The following SLC30A6 variants were observed in gnomAD, a reference collection of about 807,000 sequenced individuals.
SLC30A6 encodes solute carrier family 30 member 6.
SLC30A6 carries 55 observed loss-of-function variants against 63.0 expected under a neutral mutation model. The observed-to-expected ratio is 0.87, with a 90% confidence interval of 0.70 to 1.09. The LOEUF is 1.09. SLC30A6 is among the 50% of genes least tolerant of loss of function. The pLI is 0.00. For missense variants in SLC30A6, 587 were observed against 549.2 expected (o/e 1.07, Z -0.69); for synonymous variants, 224 against 186.1 (o/e 1.20, Z -1.66).
chr2:32,175,267 T>C, intron 3 of SLC30A6, 52 bp from the exon 4 acceptor site: 1 of 1,561,388 alleles, frequency 6.4e-7, no homozygotes. Context: ...ACTTGCTGTA[T>C]TTTTTTAGAG....
rs1388385228 is a variant in SLC30A6 at position 32,221,895 on chromosome 2, A to G, written c.*1182A>G. The G allele has an allele frequency of 6.6e-6, 1 of 152,142 alleles. No homozygotes were observed. The highest frequency in any genetic ancestry group is 2.4e-5 in the African/African-American group (1 of 41,436). 9.4% of individuals were successfully genotyped at this position (152,142 alleles called of 1,614,324 possible). A position where few individuals can be genotyped will look rare whatever the true frequency, so the allele number is the denominator to read the frequency against. On this transcript the variant is annotated 3_prime_UTR_variant, in exon 14 of 14. Coordinates refer to ENST00000282587, the MANE Select transcript of SLC30A6 (RefSeq NM_017964.5). ...CACATTTTCATTCATTGGCTTTTTA[A>G]TTTCTTATTTTATTAACAAAATATA...
At chr2:32,209,039 G>T (rs1265239188) in intron 12 of SLC30A6, among the ~76,000 whole-genome samples, 1 of 152,106 alleles carries the variant, frequency 6.6e-6, no homozygotes, top group Non-Finnish European at 1.5e-5. Flanking sequence ...TCTGGCCTTG[G>T]AATTTCTTCT....
At chr2:32,201,354 T>G (rs1307313931) in intron 10 of SLC30A6, among the ~76,000 whole-genome samples, 1 of 152,212 alleles carries the variant, frequency 6.6e-6, no homozygotes, top group Non-Finnish European at 1.5e-5. Context: ...CCATAAAAAA[T>G]TCCTGGAGAA....
At chr2:32,201,864 T>A (rs1684320711) in intron 10 of SLC30A6, 5 of 1,438,596 alleles carry the variant, frequency 3.5e-6, no homozygotes, top group Non-Finnish European at 4.8e-6. Flanking sequence ...GAGAAAATGG[T>A]GTTACAGATT....
rs1478767845 is a variant in SLC30A6, at chr2:32,205,659, C to CTTT, written c.768+969_768+970insTTT. ...TATTTTTCAAGTGAAAAGAATGTTACTTCTTTTTTTTTTTTTTTTTTTTTT... is the reference window on the plus strand; with the variant it reads ...TATTTTTCAAGTGAAAAGAATGTTACTTTTTCTTTTTTTTTTTTTTTTTTTTTT... On this transcript the variant is annotated intron_variant, in intron 11 of 13. Transcript: ENST00000282587. Among the ~76,000 whole-genome samples, 10 of 97,698 alleles carry CTTT rather than the reference C, an allele frequency of 1.0e-4. 1 individual carries two copies. Among genetic ancestry groups the CTTT allele is most frequent in the South Asian group, 3.2e-4 (1 of 3,084 alleles). The allele number at this position is 97,698 out of a possible 152,430, so 64.1% of individuals were successfully genotyped here.
intron 5 of SLC30A6, among the ~76,000 whole-genome samples, chr2:32,190,758 G>C (rs1683257312): frequency 6.6e-6 from 1 of 152,116 alleles, no homozygotes; most frequent in Admixed American, 6.5e-5. Flanking sequence ...CCAGGCAGCT[G>C]GGATTACAGG....
intron 10 of SLC30A6, chr2:32,203,067 G>T: frequency 1.5e-6 from 2 of 1,298,192 alleles, no homozygotes; most frequent in Admixed American, 1.7e-5. Context: ...TGGGGACATT[G>T]CACAGTCACA....
chr2:32,217,777 CCT>C (rs1685830183), intron 13 of SLC30A6, among the ~76,000 whole-genome samples: 1 of 151,356 alleles, frequency 6.6e-6, no homozygotes, highest in African/African-American at 2.4e-5. Flanking sequence ...AGATCTTTCA[CCT>C]CTTTGGTTAG....
At chr2:32,206,956 A>T in intron 12 of SLC30A6, 23 bp downstream of exon 12, 1 of 1,566,150 alleles carries the variant, frequency 6.4e-7, no homozygotes, top group Non-Finnish European at 8.8e-7. Flanking sequence ...AGTAAATAAA[A>T]TCATTTTATT....
chr2:32,199,406 A>G (rs1684071346), intron 10 of SLC30A6, among the ~76,000 whole-genome samples: 1 of 152,160 alleles, frequency 6.6e-6, no homozygotes, highest in Non-Finnish European at 1.5e-5. Context: ...GTATTTATCT[A>G]ATTTATTTAA....
At chr2:32,191,312 A>G (rs1484531268) in intron 5 of SLC30A6, among the ~76,000 whole-genome samples, 2 of 152,156 alleles carry the variant, frequency 1.3e-5, no homozygotes, top group Admixed American at 1.3e-4. Flanking sequence ...TTCCATGTCA[A>G]TAAATACTTT....
At chr2:32,171,404 A>G (rs1421292325) in intron 2 of SLC30A6, 31 bp downstream of exon 2, 6 of 1,531,834 alleles carry the variant, frequency 3.9e-6, no homozygotes, top group Non-Finnish European at 5.4e-6. Flanking sequence ...AATTTTAATT[A>G]TTGCACAAAC....
intron 10 of SLC30A6, chr2:32,202,022 T>TG (rs1381452577): frequency 8.7e-7 from 1 of 1,149,334 alleles, no homozygotes; most frequent in African/African-American, 1.6e-5. Context: ...TTGATGAATA[T>TG]GAAAAAAAAA....
At chr2:32,180,521 C>T (rs1682208703) in intron 4 of SLC30A6, among the ~76,000 whole-genome samples, 1 of 152,156 alleles carries the variant, frequency 6.6e-6, no homozygotes, top group Non-Finnish European at 1.5e-5. Context: ...CAGCCTCCAC[C>T]TCCCGGTCTC....
intron 10 of SLC30A6, chr2:32,201,644 A>G: frequency 6.6e-7 from 1 of 1,514,926 alleles, no homozygotes; most frequent in Non-Finnish European, 9.0e-7. Context: ...AACTGGAAGC[A>G]CCCTTGGAGG....
At position 32,220,642 on chromosome 2, in the gene SLC30A6, T is replaced by A. The variant is rs1176126592; in HGVS notation, c.1315T>A (p.Leu439Met). The A allele has an allele frequency of 6.2e-7, 1 of 1,614,182 alleles. No homozygotes were observed. Residue 439 changes from leucine to methionine, a missense_variant, in exon 14 of 14, where the codon TTG (leucine) becomes ATG (methionine). Transcript: ENST00000282587. The part of the protein sequence containing the change: ...GVPGIGATQG[L>M]RTGFTNIPSR... ...TCCAGGAATTGGAGCAACTCAAGGA[T>A]TGAGGACTGGTTTTACAAATATACC...
rs564582307 is a variant in SLC30A6, at chr2:32,165,894, C to A, written c.-7C>A. ...GGCTTCCGGCGGGAGCTGTGCAGCT[C>A]CTTATCATGGTGAGTTGGCTGTTGG... On this transcript the variant is annotated 5_prime_UTR_variant, in exon 1 of 14. Coordinates refer to ENST00000282587, the MANE Select transcript of SLC30A6 (RefSeq NM_017964.5). 7 of 1,614,124 alleles carry A rather than the reference C, an allele frequency of 4.3e-6. No individual in the cohort carries two copies. Among genetic ancestry groups the A allele is most frequent in the East Asian group, 2.2e-5 (1 of 44,866 alleles).
chr2:32,189,552 C>G (rs1683138935), intron 5 of SLC30A6, among the ~76,000 whole-genome samples: 1 of 147,198 alleles, frequency 6.8e-6, no homozygotes, highest in African/African-American at 2.5e-5. Flanking sequence ...CCACCTTGGC[C>G]TCCCAAAGTG....
rs949054768 is a variant in SLC30A6 at position 32,203,947 on chromosome 2, T to C, written c.666-643T>C. ...AGGAAGTTGACAAGATGGTAGAAGA[T>C]GAAGAGGGAATAGAAATCGATCAAG... On this transcript the variant is annotated intron_variant, in intron 10 of 13. Transcript: ENST00000282587. 26 of 783,956 alleles carry C rather than the reference T, an allele frequency of 3.3e-5. 1 individual carries two copies. The Admixed American group carries it at 4.6e-4, about 14-fold the overall frequency. 48.6% of individuals were successfully genotyped at this position (783,956 alleles called of 1,614,324 possible). A position where few individuals can be genotyped will look rare whatever the true frequency, so the allele number is the denominator to read the frequency against.
Sources: gnomAD v4.1 joint callset for allele counts (sites outside exome capture counted in the v4.1 genomes callset) on GRCh38, gnomAD v4.1.1 for gene constraint, MANE v1.5 for transcripts, NCBI Gene and HGNC (gene_info 2026-07-23, HGNC 2026-07-21) for gene names.